The following A1CF variants were observed in gnomAD, a reference collection of about 807,000 sequenced individuals.
A1CF encodes the protein APOBEC-1 stimulating protein.
A neutral mutation model predicts 68.9 loss-of-function variants in A1CF; 48 were observed. That is an observed-to-expected ratio of 0.70 (90% CI 0.55 to 0.89). The LOEUF is 0.89. Ranked by LOEUF, A1CF falls within the 40% of genes least tolerant of loss-of-function variation. The pLI is 0.00. For synonymous variants in A1CF, 272 were observed against 260.4 expected (o/e 1.04, Z -0.43); for missense variants, 653 against 718.9 (o/e 0.91, Z 1.05).
rs779763020 is a variant in A1CF at position 50,804,284 on chromosome 10, A to G, written c.*2445T>C. 7 of 151,820 alleles carry G rather than the reference A, an allele frequency of 4.6e-5. No individual in the cohort carries two copies. Among genetic ancestry groups the G allele is most frequent in the Non-Finnish European group, 1.0e-4 (7 of 67,890 alleles). The allele number at this position is 151,820 out of a possible 1,614,324, so 9.4% of individuals were successfully genotyped here. A position where few individuals can be genotyped will look rare whatever the true frequency, so the allele number is the denominator to read the frequency against. On this transcript the variant is annotated 3_prime_UTR_variant, in exon 13 of 13. Transcript: ENST00000373997. ...TAGGTGTCTGCTCTTAATATTGTAA[A>G]CAAACAATTATGACTTTATCCAGAA...
At chr10:50,877,869 T>TC (rs1230999378) in intron 1 of A1CF, among the ~76,000 whole-genome samples, 4 of 152,076 alleles carry the variant, frequency 2.6e-5, no homozygotes, top group Non-Finnish European at 4.4e-5. Flanking sequence ...ACGCCTGTAA[T>TC]CCCCCCACTT....
At chr10:50,878,519 T>C (rs1439759448) in intron 1 of A1CF, among the ~76,000 whole-genome samples, 1 of 152,228 alleles carries the variant, frequency 6.6e-6, no homozygotes, top group East Asian at 1.9e-4. Context: ...ATCCAAGCAT[T>C]CCAGATCCAG....
intron 1 of A1CF, among the ~76,000 whole-genome samples, chr10:50,869,472 C>T (rs1042584396): frequency 6.6e-6 from 1 of 152,006 alleles, no homozygotes; most frequent in African/African-American, 2.4e-5. Context: ...TTTATATTGC[C>T]TTACTAATGG....
chr10:50,874,056 G>A (rs1375091041), intron 1 of A1CF, among the ~76,000 whole-genome samples: 1 of 152,056 alleles, frequency 6.6e-6, no homozygotes, highest in Non-Finnish European at 1.5e-5. Context: ...AACATGCAAG[G>A]GGTAGAGGAG....
Position 50,816,116 on chromosome 10 carries a change from G to C in A1CF, c.1031C>G (p.Ala344Gly), listed in dbSNP as rs1360034927. The change falls in exon 9 of 13, where the codon GCT (alanine) becomes GGT (glycine). Residue 344 changes from alanine to glycine, a missense_variant. Transcript: ENST00000373997. ...GGTCTGGGGGGCATAGAAGACAGGA[G>C]CTCCAAGGTAGGTTGTGGTGGGATC... Reference protein sequence around the residue: ...VYDPTTTYLGAPVFYAPQTYA... With the variant: ...VYDPTTTYLGGPVFYAPQTYA... The C allele has an allele frequency of 6.2e-7, 1 of 1,613,870 alleles. No homozygotes were observed. Among genetic ancestry groups the C allele is most frequent in the Non-Finnish European group, 8.5e-7 (1 of 1,179,896 alleles).
chr10:50,838,387 T>C (rs1311042587), intron 5 of A1CF, among the ~76,000 whole-genome samples: 5 of 152,216 alleles, frequency 3.3e-5, no homozygotes, highest in African/African-American at 9.6e-5. Context: ...TTTTAAACTT[T>C]ACTTAAAAAA....
At chr10:50,816,411 T>G (rs1210490581) in intron 8 of A1CF, 132 bp from the exon 9 acceptor site, 1 of 1,102,248 alleles carries the variant, frequency 9.1e-7, no homozygotes, top group African/African-American at 1.6e-5. Context: ...ATCTTGTCAT[T>G]TTATAGGTTT....
chr10:50,875,628 T>A (rs996960680), intron 1 of A1CF, among the ~76,000 whole-genome samples: 1 of 152,194 alleles, frequency 6.6e-6, no homozygotes, highest in African/African-American at 2.4e-5. Context: ...GCCTGGATCT[T>A]AACTTGTTTT....
intron 3 of A1CF, among the ~76,000 whole-genome samples, chr10:50,852,539 C>G (rs1471047104): frequency 6.6e-6 from 1 of 152,172 alleles, no homozygotes; most frequent in African/African-American, 2.4e-5. Flanking sequence ...CCATCCTGTT[C>G]TAATGCTTAT....
At chr10:50,869,104 T>C (rs1459332289) in intron 1 of A1CF, among the ~76,000 whole-genome samples, 1 of 151,964 alleles carries the variant, frequency 6.6e-6, no homozygotes, top group Non-Finnish European at 1.5e-5. Flanking sequence ...TTCACCTGTG[T>C]AATAAATCTG....
chr10:50,808,753 A>G lies in A1CF; in HGVS notation c.1609+1141T>C, dbSNP rs566555714. Among the ~76,000 whole-genome samples the G allele has an allele frequency of 2.3e-4, 35 of 152,302 alleles. No individual in the cohort carries two copies. In the South Asian group the frequency reaches 7.3e-3, roughly 32 times the overall value. On this transcript the variant is annotated intron_variant, in intron 12 of 12. Transcript: ENST00000373997. ...CATTAATGTTAGCCCCACTGGCCAGAATGGAGGATATATTCAAAACTTTTG... is the reference window on the plus strand; with the variant it reads ...CATTAATGTTAGCCCCACTGGCCAGGATGGAGGATATATTCAAAACTTTTG...
chr10:50,853,112 G>A (rs1389374017), intron 3 of A1CF, among the ~76,000 whole-genome samples: 1 of 152,102 alleles, frequency 6.6e-6, no homozygotes, highest in African/African-American at 2.4e-5. Context: ...ATTGAATACT[G>A]TATTTTGTTC....
At chr10:50,875,100 C>G (rs1841448478) in intron 1 of A1CF, among the ~76,000 whole-genome samples, 1 of 151,998 alleles carries the variant, frequency 6.6e-6, no homozygotes, top group Non-Finnish European at 1.5e-5. Flanking sequence ...AATACATGGA[C>G]CATATACTCA....
At chr10:50,824,587 A>T (rs548285260) in intron 7 of A1CF, 3 of 152,072 alleles carry the variant, frequency 2.0e-5, no homozygotes, top group Admixed American at 6.6e-5. Context: ...ATTTTTCTGG[A>T]ATTTCTTAAA....
chr10:50,815,050 A>G (rs1443115474), intron 9 of A1CF, among the ~76,000 whole-genome samples: 1 of 152,208 alleles, frequency 6.6e-6, no homozygotes, highest in African/African-American at 2.4e-5. Context: ...AAAACATAGT[A>G]AGATAATTGT....
chr10:50,835,111 A>G (rs12265892), intron 6 of A1CF, among the ~76,000 whole-genome samples: 2,485 of 152,258 alleles, frequency 0.016, 53 homozygotes, highest in African/African-American at 0.055. Flanking sequence ...CTACTTCTCT[A>G]AAAGATTCAG....
chr10:50,881,828 C>T (rs1841784200), intron 1 of A1CF, among the ~76,000 whole-genome samples: 2 of 152,194 alleles, frequency 1.3e-5, no homozygotes, highest in African/African-American at 2.4e-5. Context: ...ATTTATCTTA[C>T]ATCCTTATTA....
In A1CF at chr10:50,828,211, A is replaced by G; in HGVS notation, c.689T>C (p.Val230Ala). 6.2e-7 allele frequency: 1 copy of G among 1,609,334 alleles called. No homozygotes were observed. Among genetic ancestry groups the G allele is most frequent in the Non-Finnish European group, 8.5e-7 (1 of 1,176,558 alleles). Residue 230 changes from valine (V) to alanine (A), a missense_variant, in exon 7 of 13, where the codon GTG becomes GCG. Val to Ala is a moderately conservative substitution (Grantham distance 64, BLOSUM62 0). Transcript: ENST00000373997. ...VEVDEDTMSS[V>A]KILYVRNLML... ...AAGATTTCTTACATATAGGATTTTC[A>G]CTGAAGACATTGTATCTTCATCAAC...
At chr10:50,858,998 A>AAGAGTG (rs1341209728) in intron 3 of A1CF, among the ~76,000 whole-genome samples, 2 of 152,172 alleles carry the variant, frequency 1.3e-5, no homozygotes, top group Admixed American at 6.5e-5. Context: ...ACAAAGGAGC[A>AAGAGTG]TCTAATGGAA....
Sources: gnomAD v4.1 joint callset for allele counts (sites outside exome capture counted in the v4.1 genomes callset) on GRCh38, gnomAD v4.1.1 for gene constraint, MANE v1.5 for transcripts, NCBI Gene and HGNC (gene_info 2026-07-23, HGNC 2026-07-21) for gene names.